Variants in TBL3 observed in about 807,000 individuals in gnomAD.
TBL3 encodes transducin beta-like protein 3.
In TBL3, 71 loss-of-function variants were observed where a neutral mutation model predicts 102.7. The ratio of observed to expected loss-of-function variants is 0.69; its 90% CI spans 0.57 to 0.84. The LOEUF (loss-of-function observed/expected upper bound fraction) is 0.84, where lower values mean the gene tolerates loss of function less well. Among genes scored for constraint, TBL3 ranks in the 40% least tolerant of loss-of-function variants. The pLI is 0.00. For synonymous variants in TBL3, 578 were observed against 477.7 expected (o/e 1.21, Z -2.74); for missense variants, 1,188 against 1,098.5 (o/e 1.08, Z -1.15).
chr16:1,981,277 G>A lies in TBL3; in HGVS notation c.*2592G>A. 1.3e-6 allele frequency: 2 copies of A among 1,552,580 alleles called. No homozygotes were observed. The highest frequency in any genetic ancestry group is 1.7e-6 in the Non-Finnish European group (2 of 1,151,454). On this transcript the variant is annotated 3_prime_UTR_variant, in exon 22 of 22. Transcript: ENST00000568546. ...CTGGGGGACCCAGAAAACCCCCTGG[G>A]ATAGAATCCTGGCAACACCTCAAGC...
In TBL3 at chr16:1,976,969, C is replaced by A. The variant is rs1382986770; in HGVS notation, c.1440+8C>A. On this transcript the variant is annotated splice_region_variant and intron_variant, in intron 14 of 21. Coordinates refer to ENST00000568546, the MANE Select transcript of TBL3 (RefSeq NM_006453.3). ...CAGCGCTGCCATGATAAGGTGACTC[C>A]ATAGCCACTGGGGTGGGGGTGTGGC... is the stretch of plus-strand genomic sequence containing the variant. 1.2e-6 allele frequency: 2 copies of A among 1,613,850 alleles called. No homozygotes were observed. The highest frequency in any genetic ancestry group is 1.7e-6 in the Non-Finnish European group (2 of 1,179,994).
intron 1 of TBL3, among the ~76,000 whole-genome samples, chr16:1,973,659 G>T (rs1216032948): frequency 6.6e-6 from 1 of 152,158 alleles, no homozygotes; most frequent in African/African-American, 2.4e-5. Flanking sequence ...AGGTATGCCA[G>T]ACCTCAGGGA....
rs1159849725 is a variant in TBL3, at chr16:1,980,275, C to T, written c.*1590C>T. On this transcript the variant is annotated 3_prime_UTR_variant, in exon 22 of 22. Transcript: ENST00000568546. ...GGCAAGACCGCCAGCCTCCCACTCTCTGCCCCTATTCGCTGGCTGTTCCCC... is the reference window on the plus strand; with the variant it reads ...GGCAAGACCGCCAGCCTCCCACTCTTTGCCCCTATTCGCTGGCTGTTCCCC... 6.6e-7 allele frequency: 1 copy of T among 1,517,248 alleles called. No homozygotes were observed. Among genetic ancestry groups the T allele is most frequent in the Non-Finnish European group, 8.8e-7 (1 of 1,131,264 alleles). The allele number at this position is 1,517,248 out of a possible 1,614,324, so 94.0% of individuals were successfully genotyped here.
Position 1,979,878 on chromosome 16 carries a change from G to A in TBL3, c.*1193G>A. ...GCGCTGGAAACCAGGCGGTCTGCCG[G>A]TCTTCGTTCTCCACCAGCCACCAGC... On this transcript the variant is annotated 3_prime_UTR_variant, in exon 22 of 22. Coordinates refer to ENST00000568546, the MANE Select transcript of TBL3 (RefSeq NM_006453.3). The A allele has an allele frequency of 6.3e-7, 1 of 1,582,416 alleles. No individual in the cohort carries two copies. The highest frequency in any genetic ancestry group is 2.3e-5 in the East Asian group (1 of 42,896).
rs537005236 is a variant in TBL3 at position 1,977,431 on chromosome 16, G to C, written c.1742+5G>C. 5.0e-6 allele frequency: 8 copies of C among 1,612,502 alleles called. No individual in the cohort carries two copies. Among genetic ancestry groups the C allele is most frequent in the Middle Eastern group, 3.3e-4 (2 of 6,006 alleles). On this transcript the variant is annotated splice_donor_5th_base_variant and intron_variant, in intron 16 of 21. Coordinates refer to ENST00000568546, the MANE Select transcript of TBL3 (RefSeq NM_006453.3). ...TGGCACGCAGCTGCTGTCCAGGTGA[G>C]TGGGCTGGGGTGGGGCAGCGATGGA...
Position 1,977,501 on chromosome 16 carries a change from A to G in TBL3, c.1743-13A>G. The G allele has an allele frequency of 1.9e-6, 3 of 1,608,824 alleles. No homozygotes were observed. The East Asian group carries it at 6.7e-5, about 36-fold the overall frequency. ...CCTGCCTGACGCTGAGCCTCTCCCC[A>G]CCCCAAACCCAGCGGTTCGGATGGC... On this transcript the variant is annotated splice_polypyrimidine_tract_variant and intron_variant, in intron 16 of 21. Coordinates refer to ENST00000568546, the MANE Select transcript of TBL3 (RefSeq NM_006453.3).
chr16:1,976,376 G>A (rs2150884029), intron 13 of TBL3, 62 bp downstream of exon 13: 2 of 1,461,338 alleles, frequency 1.4e-6, no homozygotes, highest in South Asian at 2.4e-5. Context: ...CTGCCAGCAG[G>A]GCTGCCGCTC....
In TBL3 at chr16:1,980,908, C is replaced by A. The variant is rs1182895431; in HGVS notation, c.*2223C>A. On this transcript the variant is annotated 3_prime_UTR_variant, in exon 22 of 22. Transcript: ENST00000568546. The stretch of plus-strand genomic sequence containing the variant: ...GGCAGCCGCGTGGGGAAGCCGCCAC[C>A]GCGGCATCAGGGTGGCCCAGGGTCA... The A allele has an allele frequency of 3.1e-6, 5 of 1,593,834 alleles. No individual in the cohort carries two copies. Among genetic ancestry groups the A allele is most frequent in the Non-Finnish European group, 8.6e-7 (1 of 1,164,404 alleles).
chr16:1,977,374 G>A lies in TBL3; in HGVS notation c.1690G>A (p.Ala564Thr). 6.2e-7 allele frequency: 1 copy of A among 1,613,382 alleles called. No homozygotes were observed. The highest frequency in any genetic ancestry group is 1.1e-5 in the South Asian group (1 of 91,082). Residue 564 changes from alanine to threonine, a missense_variant, in exon 16 of 22, where the codon GCT becomes ACT. By Grantham distance (58) the Ala-to-Thr change is moderately conservative (BLOSUM62 0). Transcript: ENST00000568546. ...SCLKTFEGHD[A>T]SVLKVAFVSR... The stretch of plus-strand genomic sequence containing the variant: ...CTTGCAGACATTTGAGGGGCACGAT[G>A]CTTCTGTGCTGAAGGTGGCCTTTGT...
In TBL3 at chr16:1,979,459, ACACGCGCACGCGCGCCCC is replaced by A; in HGVS notation, c.*776_*793del. On this transcript the variant is annotated 3_prime_UTR_variant, in exon 22 of 22. Coordinates refer to ENST00000568546, the MANE Select transcript of TBL3 (RefSeq NM_006453.3). The stretch of plus-strand genomic sequence containing the variant: ...CACCAGCCGCGGTCTGACGTTTCCA[ACACGCGCACGCGCGCCCC>A]CGCGGGCACGGACAGCTCATCTGCG... The A allele has an allele frequency of 1.9e-6, 3 of 1,611,364 alleles. No homozygotes were observed.
At position 1,974,605 on chromosome 16, in the gene TBL3, G is replaced by GC; in HGVS notation, c.307dup (p.Leu103ProfsTer28). 1 of 1,611,844 alleles carries GC rather than the reference G, an allele frequency of 6.2e-7. No individual in the cohort carries two copies. The highest frequency in any genetic ancestry group is 8.5e-7 in the Non-Finnish European group (1 of 1,178,812). On this transcript the variant is annotated frameshift_variant, in exon 5 of 22. Coordinates refer to ENST00000568546, the MANE Select transcript of TBL3 (RefSeq NM_006453.3). LOFTEE classifies it high-confidence loss of function. Reference sequence around the variant, plus strand: ...GCCTGGCAAGAGGGCAGCGTTACCCGCCTGTGGAAGGCGATACACACGGCC... The same window carrying GC: ...GCCTGGCAAGAGGGCAGCGTTACCCGCCCTGTGGAAGGCGATACACACGGCC...
At position 1,975,614 on chromosome 16, in the gene TBL3, C is replaced by T; in HGVS notation, c.891C>T (p.His297=). The T allele has an allele frequency of 6.2e-7, 1 of 1,602,698 alleles. No individual in the cohort carries two copies. Among genetic ancestry groups the T allele is most frequent in the Non-Finnish European group, 8.5e-7 (1 of 1,179,758 alleles). ...CGGGCCCTGGGCAGGAGCTGACCCA[C>T]TGCACCCTGGCACACACCGCCGGCG... ...QPPGPGQELT[H]CTLAHTAGVV... Residue 297 remains histidine, a synonymous_variant, in exon 10 of 22, where the codon CAC becomes CAT. Coordinates refer to ENST00000568546, the MANE Select transcript of TBL3 (RefSeq NM_006453.3).
chr16:1,975,916 A>G lies in TBL3; in HGVS notation c.1096A>G (p.Thr366Ala). 1 of 1,614,092 alleles carries G rather than the reference A, an allele frequency of 6.2e-7. No homozygotes were observed. Among genetic ancestry groups the G allele is most frequent in the Non-Finnish European group, 8.5e-7 (1 of 1,180,026 alleles). ...CTGCCTAAAAGTGTTTGAGCTGCAG[A>G]CGTCAGCCTGCCAGATCCTCCACGG... ...SPCLKVFELQ[T>A]SACQILHGHT... The change falls in exon 11 of 22, where the codon ACG becomes GCG. Residue 366 changes from threonine to alanine, a missense_variant. By Grantham distance (58) the Thr-to-Ala change is moderately conservative (BLOSUM62 0). Coordinates refer to ENST00000568546, the MANE Select transcript of TBL3 (RefSeq NM_006453.3).
At position 1,980,100 on chromosome 16, in the gene TBL3, C is replaced by T; in HGVS notation, c.*1415C>T. 6.2e-7 allele frequency: 1 copy of T among 1,608,106 alleles called. No homozygotes were observed. The highest frequency in any genetic ancestry group is 1.1e-5 in the South Asian group (1 of 90,218). ...AGAAGGGCTGCAGGCAGCGCAGGCT[C>T]TGAGCCTCCAGACTGTGGATGGAGA... On this transcript the variant is annotated 3_prime_UTR_variant, in exon 22 of 22. Coordinates refer to ENST00000568546, the MANE Select transcript of TBL3 (RefSeq NM_006453.3).
At position 1,978,045 on chromosome 16, in the gene TBL3, GCTGA is replaced by G. The variant is rs2083419008; in HGVS notation, c.2050_2053del (p.Thr684SerfsTer55). ...TCTCCCTGGATCGGCCCCACACCGT[GCTGA>G]CTGTCATCCAGGGTCAGTGCCCACC... is the stretch of plus-strand genomic sequence containing the variant. On this transcript the variant is annotated frameshift_variant, in exon 19 of 22. Transcript: ENST00000568546. LOFTEE classifies it high-confidence loss of function. The G allele has an allele frequency of 1.9e-6, 3 of 1,605,528 alleles. No individual in the cohort carries two copies. The highest frequency in any genetic ancestry group is 2.6e-6 in the Non-Finnish European group (3 of 1,175,630).
intron 6 of TBL3, 25 bp downstream of exon 6, chr16:1,974,872 G>A (rs774697956): frequency 4.3e-6 from 7 of 1,612,892 alleles, no homozygotes; most frequent in Non-Finnish European, 5.9e-6. Flanking sequence ...GGAGGGGGAG[G>A]GCAGAGGCAC....
Position 1,975,284 on chromosome 16 carries a change from G to A in TBL3, c.711+22G>A, listed in dbSNP as rs542687367. The A allele has an allele frequency of 3.1e-6, 5 of 1,614,000 alleles. No homozygotes were observed. The East Asian group carries it at 6.7e-5, about 22-fold the overall frequency. On this transcript the variant is annotated intron_variant, in intron 8 of 21. Transcript: ENST00000568546. ...TGAGGTGGGGATGCCTGGAGGCCAG[G>A]GCTGGTTGAGTTGGGTGGGGAGGGG... is the stretch of plus-strand genomic sequence containing the variant.
Position 1,978,997 on chromosome 16 carries a change from G to C in TBL3, c.*312G>C. The C allele has an allele frequency of 1.4e-6, 2 of 1,476,054 alleles. No individual in the cohort carries two copies. Among genetic ancestry groups the C allele is most frequent in the Non-Finnish European group, 1.8e-6 (2 of 1,111,370 alleles). 91.4% of individuals were successfully genotyped at this position (1,476,054 alleles called of 1,614,324 possible). A position where few individuals can be genotyped will look rare whatever the true frequency, so the allele number is the denominator to read the frequency against. On this transcript the variant is annotated 3_prime_UTR_variant, in exon 22 of 22. Transcript: ENST00000568546. ...CTGGCCAGGGAGATCCGCCCTCCCC[G>C]CTCCTCCCCAGCCCTGGGATGGCGC...
chr16:1,980,076 G>T lies in TBL3; in HGVS notation c.*1391G>T. 1 of 1,608,028 alleles carries T rather than the reference G, an allele frequency of 6.2e-7. No homozygotes were observed. On this transcript the variant is annotated 3_prime_UTR_variant, in exon 22 of 22. Transcript: ENST00000568546. ...GCCTATCCCGCGTGTCCTGGGTACAGAAGGGCTGCAGGCAGCGCAGGCTCT... is the reference window on the plus strand; with the variant it reads ...GCCTATCCCGCGTGTCCTGGGTACATAAGGGCTGCAGGCAGCGCAGGCTCT...
Sources: gnomAD v4.1 joint callset for allele counts (sites outside exome capture counted in the v4.1 genomes callset) on GRCh38, gnomAD v4.1.1 for gene constraint, MANE v1.5 for transcripts, NCBI Gene and HGNC (gene_info 2026-07-23, HGNC 2026-07-21) for gene names.